Variants in CACNG4 observed in about 807,000 individuals in gnomAD.
CACNG4 encodes voltage-dependent calcium channel gamma-4 subunit.
CACNG4 carries 8 observed loss-of-function variants against 22.9 expected under a neutral mutation model. That is an observed-to-expected ratio of 0.35 (90% CI 0.21 to 0.63). CACNG4 has a LOEUF of 0.63. Ranked by LOEUF, CACNG4 falls within the 30% of genes least tolerant of loss-of-function variation. The probability of loss-of-function intolerance (pLI) is 0.72; values close to 1 mark genes in which losing one functional copy is unlikely to be tolerated. For missense variants in CACNG4, 357 were observed against 455.4 expected (o/e 0.78, Z 1.97); for synonymous variants, 188 against 191.9 (o/e 0.98, Z 0.17).
chr17:67,017,955 C>CT (rs2035510165), intron 1 of CACNG4, among the ~76,000 whole-genome samples: 1 of 152,114 alleles, frequency 6.6e-6, no homozygotes, highest in East Asian at 1.9e-4. Flanking sequence ...TCACGTGCGT[C>CT]CACCCTTGGA....
At chr17:67,003,844 A>C (rs888356997) in intron 1 of CACNG4, among the ~76,000 whole-genome samples, 5 of 152,312 alleles carry the variant, frequency 3.3e-5, no homozygotes, top group African/African-American at 1.2e-4. Context: ...TATGCCACCA[A>C]TCAGCTTATC....
intron 1 of CACNG4, among the ~76,000 whole-genome samples, chr17:66,998,388 T>C (rs2035387779): frequency 6.6e-6 from 1 of 152,104 alleles, no homozygotes; most frequent in Admixed American, 6.5e-5. Context: ...TGCCTAATTT[T>C]TTAAATTTGC....
chr17:66,982,022 C>T (rs1319903155), intron 1 of CACNG4, among the ~76,000 whole-genome samples: 2 of 152,160 alleles, frequency 1.3e-5, no homozygotes, highest in Admixed American at 1.3e-4. Flanking sequence ...AGAGTTGATT[C>T]ATTCTGATAG....
chr17:66,975,314 TC>T (rs577858189), intron 1 of CACNG4, among the ~76,000 whole-genome samples: 25 of 152,088 alleles, frequency 1.6e-4, no homozygotes, highest in Admixed American at 5.2e-4. Context: ...CCCCCTTTCC[TC>T]CCCACCATGA....
intron 1 of CACNG4, among the ~76,000 whole-genome samples, chr17:66,991,213 C>T (rs540126088): frequency 2.0e-5 from 3 of 152,058 alleles, no homozygotes; most frequent in Non-Finnish European, 4.4e-5. Flanking sequence ...AGCTTGATCT[C>T]GGCAGGTCCT....
chr17:66,965,110 T>C lies in CACNG4; in HGVS notation c.199T>C (p.Trp67Arg). The change falls in exon 1 of 4, where the codon TGG (tryptophan) becomes CGG (arginine). Residue 67 changes from tryptophan (W) to arginine (R), a missense_variant. Coordinates refer to ENST00000262138, the MANE Select transcript of CACNG4 (RefSeq NM_014405.4). ...CGGCGACCTCACCCACTCTGGTCTG[T>C]GGCGGGTGTGCTGCATCGAAGGTAC... The part of the protein sequence containing the change: ...ARGDLTHSGL[W>R]RVCCIEGIYK... 6.3e-7 allele frequency: 1 copy of C among 1,584,928 alleles called. No individual in the cohort carries two copies. Among genetic ancestry groups the C allele is most frequent in the Non-Finnish European group, 8.6e-7 (1 of 1,167,634 alleles).
chr17:67,004,316 A>T (rs1183800055), intron 1 of CACNG4, among the ~76,000 whole-genome samples: 1 of 152,190 alleles, frequency 6.6e-6, no homozygotes, highest in Admixed American at 6.5e-5. Flanking sequence ...TTAATTATGA[A>T]TCTCGGCAGG....
chr17:67,022,212 T>C (rs1303868759), intron 2 of CACNG4, among the ~76,000 whole-genome samples: 1 of 152,046 alleles, frequency 6.6e-6, no homozygotes, highest in African/African-American at 2.4e-5. Flanking sequence ...ATCGCTGGGA[T>C]TACAGGCACT....
chr17:66,973,323 G>A (rs2035216450), intron 1 of CACNG4, among the ~76,000 whole-genome samples: 1 of 151,922 alleles, frequency 6.6e-6, no homozygotes, highest in South Asian at 2.1e-4. Flanking sequence ...TGCTTTAGGG[G>A]CCAGCCCCAG....
Position 66,985,245 on chromosome 17 carries a change from CA to C in CACNG4, c.220+20115del, listed in dbSNP as rs1269096383. ...CATTGAGGATTTGAAAACTAAATCC[CA>C]GGCTGAGTCCTGGGCACTCCCAGAT... On this transcript the variant is annotated intron_variant, in intron 1 of 3. Coordinates refer to ENST00000262138, the MANE Select transcript of CACNG4 (RefSeq NM_014405.4). Among the ~76,000 whole-genome samples, 4 of 152,198 alleles carry C rather than the reference CA, an allele frequency of 2.6e-5. No homozygotes were observed. The East Asian group carries it at 7.7e-4, about 29-fold the overall frequency.
At chr17:66,979,739 T>C (rs929843599) in intron 1 of CACNG4, among the ~76,000 whole-genome samples, 10 of 148,856 alleles carry the variant, frequency 6.7e-5, no homozygotes, top group Non-Finnish European at 1.5e-4. Context: ...GTTTGTTCTT[T>C]TCATGCTTTT....
At chr17:66,989,735 G>T (rs954217470) in intron 1 of CACNG4, among the ~76,000 whole-genome samples, 1 of 151,382 alleles carries the variant, frequency 6.6e-6, no homozygotes, top group East Asian at 1.9e-4. Context: ...TGTTAGCAAC[G>T]GTGTGTTGAG....
Position 67,017,523 on chromosome 17 carries a change from G to T in CACNG4, c.221-666G>T, listed in dbSNP as rs894287992. 1.5e-4 allele frequency among the ~76,000 whole-genome samples: 23 copies of T among 149,486 alleles called. No individual in the cohort carries two copies. The East Asian group carries it at 4.7e-3, about 31-fold the overall frequency. Reference sequence around the variant, plus strand: ...CGTTGTTGTTGTTGTTGTTGTTGTTGTTTGTTGTTGTTTGAGACAGAGTCT... The same window carrying T: ...CGTTGTTGTTGTTGTTGTTGTTGTTTTTTGTTGTTGTTTGAGACAGAGTCT... On this transcript the variant is annotated intron_variant, in intron 1 of 3. Coordinates refer to ENST00000262138, the MANE Select transcript of CACNG4 (RefSeq NM_014405.4).
chr17:67,015,972 T>C (rs377419750), intron 1 of CACNG4, among the ~76,000 whole-genome samples: 6 of 152,126 alleles, frequency 3.9e-5, no homozygotes, highest in East Asian at 1.9e-4. Flanking sequence ...CTCTGGCCTT[T>C]GTGTCCCCAC....
chr17:66,991,288 G>C (rs1368047044), intron 1 of CACNG4, among the ~76,000 whole-genome samples: 1 of 151,966 alleles, frequency 6.6e-6, no homozygotes, highest in African/African-American at 2.4e-5. Flanking sequence ...CAGCAGCTTT[G>C]CCTGGTGAAA....
At chr17:67,004,302 C>T (rs941037537) in intron 1 of CACNG4, among the ~76,000 whole-genome samples, 1 of 152,154 alleles carries the variant, frequency 6.6e-6, no homozygotes, top group East Asian at 1.9e-4. Context: ...CTCTCCGGCT[C>T]CGTTTAATTA....
chr17:66,975,867 G>A (rs986500503), intron 1 of CACNG4, among the ~76,000 whole-genome samples: 7 of 152,228 alleles, frequency 4.6e-5, no homozygotes, highest in African/African-American at 1.4e-4. Flanking sequence ...GGCTGGGCTG[G>A]GGATGGCAGC....
At chr17:66,996,475 G>A (rs868840664) in intron 1 of CACNG4, among the ~76,000 whole-genome samples, 1 of 151,262 alleles carries the variant, frequency 6.6e-6, no homozygotes. Context: ...CGCCTCCCAG[G>A]TTCAACCAAT....
intron 1 of CACNG4, among the ~76,000 whole-genome samples, chr17:66,994,287 A>C (rs2035359763): frequency 6.7e-6 from 1 of 149,836 alleles, no homozygotes; most frequent in Non-Finnish European, 1.5e-5. Flanking sequence ...TGATCAAGCC[A>C]CTGCACTCCA....
Sources: gnomAD v4.1 joint callset for allele counts (sites outside exome capture counted in the v4.1 genomes callset) on GRCh38, gnomAD v4.1.1 for gene constraint, MANE v1.5 for transcripts, NCBI Gene and HGNC (gene_info 2026-07-23, HGNC 2026-07-21) for gene names.